SV2C: variants seen among roughly 807,000 people sequenced by gnomAD.
The protein encoded by SV2C is synaptic vesicle glycoprotein 2C.
A neutral mutation model predicts 79.7 loss-of-function variants in SV2C; 49 were observed. The observed-to-expected ratio is 0.61, with a 90% CI of 0.49 to 0.78. SV2C has a LOEUF of 0.78. SV2C is among the 30% of genes least tolerant of loss of function. The pLI, the probability that SV2C is intolerant of heterozygous loss-of-function variation, is 0.00. For missense variants in SV2C, 833 were observed against 912.9 expected, an observed-to-expected ratio of 0.91 and a Z score of 1.13; for synonymous variants, 334 against 333.2, an observed-to-expected ratio of 1.00 and a Z score of -0.03.
the SV2C span, among the ~76,000 whole-genome samples, chr5:75,933,332 C>T: frequency 6.6e-6 from 1 of 152,184 alleles, no homozygotes; most frequent in African/African-American, 2.4e-5. Flanking sequence ...TTGTCTTCCT[C>T]TACTGGACAG....
intron 12 of SV2C, among the ~76,000 whole-genome samples, chr5:76,339,918 G>T (rs992991457): frequency 2.6e-5 from 4 of 152,014 alleles, no homozygotes; most frequent in African/African-American, 9.7e-5. Context: ...GGAGGTTAAG[G>T]CATTCTAAGT....
chr5:75,872,581 A>G, the SV2C span, among the ~76,000 whole-genome samples: 16 of 152,212 alleles, frequency 1.1e-4, no homozygotes, highest in Admixed American at 1.0e-3. Flanking sequence ...ATAGAAGAAT[A>G]TCATATTTTA....
At chr5:75,927,022 G>T in the SV2C span, among the ~76,000 whole-genome samples, 19 of 152,078 alleles carry the variant, frequency 1.2e-4, no homozygotes, top group Non-Finnish European at 2.1e-4. Context: ...CCTGAATTTT[G>T]AATATGAAAA....
intron 1 of SV2C, among the ~76,000 whole-genome samples, chr5:76,115,012 G>A (rs940194573): frequency 6.6e-6 from 1 of 152,126 alleles, no homozygotes; most frequent in Non-Finnish European, 1.5e-5. Flanking sequence ...ATGTCACAAA[G>A]CTAGTAAGTG....
At chr5:76,169,662 T>G (rs1438273207) in intron 2 of SV2C, among the ~76,000 whole-genome samples, 1 of 152,238 alleles carries the variant, frequency 6.6e-6, no homozygotes, top group Non-Finnish European at 1.5e-5. Context: ...TGCCCTTAAC[T>G]GGTTCCATCA....
At chr5:75,896,900 CT>C in the SV2C span, among the ~76,000 whole-genome samples, 2 of 146,850 alleles carry the variant, frequency 1.4e-5, no homozygotes, top group Non-Finnish European at 2.9e-5. Flanking sequence ...CCTTTGCCCA[CT>C]TTTTGATGGG....
chr5:76,119,725 A>C (rs990552472), intron 1 of SV2C, among the ~76,000 whole-genome samples: 5 of 152,140 alleles, frequency 3.3e-5, no homozygotes, highest in Admixed American at 1.3e-4. Context: ...CAAAAAACAA[A>C]AAACAAAACA....
intron 3 of SV2C, among the ~76,000 whole-genome samples, chr5:76,206,471 T>A (rs1475193945): frequency 2.0e-5 from 3 of 152,178 alleles, no homozygotes; most frequent in African/African-American, 7.2e-5. Context: ...AGGAACCCTT[T>A]GGGGGCTCCA....
At chr5:76,238,402 T>C (rs1015592848) in intron 4 of SV2C, among the ~76,000 whole-genome samples, 1 of 152,122 alleles carries the variant, frequency 6.6e-6, no homozygotes, top group Non-Finnish European at 1.5e-5. Context: ...CTCTAAGGGA[T>C]TGACTATGAG....
chr5:76,340,781 A>G (rs899577895), intron 12 of SV2C, among the ~76,000 whole-genome samples: 1 of 152,124 alleles, frequency 6.6e-6, no homozygotes, highest in African/African-American at 2.4e-5. Context: ...AAAATTTTTT[A>G]TTATTTTTCA....
intron 6 of SV2C, among the ~76,000 whole-genome samples, chr5:76,290,139 G>C (rs1236590103): frequency 6.6e-6 from 1 of 152,102 alleles, no homozygotes; most frequent in African/African-American, 2.4e-5. Flanking sequence ...ATTCCTACAT[G>C]GATTATTTTG....
rs190046513 is a variant in SV2C, at chr5:76,218,327, T to G, written c.913+8440T>G. ...ACATGTATGTTTATTGCAGCACTAT[T>G]TATAATAGCAAAGACTTGGAACACA... On this transcript the variant is annotated intron_variant, in intron 4 of 12. Transcript: ENST00000502798. Among the ~76,000 whole-genome samples, 128 of 152,292 alleles carry G rather than the reference T, an allele frequency of 8.4e-4. 1 individual carries two copies. The highest frequency in any genetic ancestry group is 3.1e-3 in the African/African-American group (128 of 41,560).
chr5:76,061,621 G>A, the SV2C span, among the ~76,000 whole-genome samples: 1 of 152,032 alleles, frequency 6.6e-6, no homozygotes, highest in African/African-American at 2.4e-5. Flanking sequence ...ATATCTAAGT[G>A]TGTTGTATCT....
chr5:76,131,798 G>A lies in SV2C; in HGVS notation c.48G>A (p.Lys16=), dbSNP rs756698318. The A allele has an allele frequency of 1.9e-6, 3 of 1,613,968 alleles. No individual in the cohort carries two copies. In the Admixed American group the frequency reaches 5.0e-5, roughly 27 times the overall value. Residue 16 remains lysine (K), a synonymous_variant, in exon 2 of 13, where the codon AAG becomes AAA. Transcript: ENST00000502798. ...KDRTSLMKGA[K]DIAREVKKQT... ...GGACTTCACTGATGAAGGGTGCCAA[G>A]GACATTGCCAGAGAGGTGAAGAAAC...
chr5:75,892,306 T>C, the SV2C span, among the ~76,000 whole-genome samples: 3 of 152,092 alleles, frequency 2.0e-5, no homozygotes, highest in African/African-American at 7.2e-5. Flanking sequence ...ATTTTTTACA[T>C]GTATACGATG....
At chr5:75,906,278 C>T in the SV2C span, among the ~76,000 whole-genome samples, 1 of 152,132 alleles carries the variant, frequency 6.6e-6, no homozygotes, top group Non-Finnish European at 1.5e-5. Context: ...TTAAGCCACT[C>T]GATTGGTGAT....
chr5:76,260,775 G>A (rs1318387705), intron 4 of SV2C, among the ~76,000 whole-genome samples: 1 of 152,122 alleles, frequency 6.6e-6, no homozygotes. Flanking sequence ...TTATTTCTGA[G>A]GCCTCTGTCC....
rs1027020547 is a variant in SV2C at position 76,332,861 on chromosome 5, A to G, written c.*7314A>G. On this transcript the variant is annotated 3_prime_UTR_variant, in exon 13 of 13. Coordinates refer to ENST00000502798, the MANE Select transcript of SV2C (RefSeq NM_014979.4). ...CACAGGCCACATCACATTGAGTATCATGGATTTATGGGTCAGCATTGCCCC... is the reference window on the plus strand; with the variant it reads ...CACAGGCCACATCACATTGAGTATCGTGGATTTATGGGTCAGCATTGCCCC... 3 of 152,232 alleles carry G rather than the reference A, an allele frequency of 2.0e-5. No homozygotes were observed. The highest frequency in any genetic ancestry group is 1.9e-4 in the East Asian group (1 of 5,200). 9.4% of individuals were successfully genotyped at this position (152,232 alleles called of 1,614,324 possible).
chr5:75,978,312 T>C, the SV2C span, among the ~76,000 whole-genome samples: 1 of 152,192 alleles, frequency 6.6e-6, no homozygotes, highest in Non-Finnish European at 1.5e-5. Flanking sequence ...TGGATATTCC[T>C]CTCCTTCTTA....
Sources: gnomAD v4.1 joint callset for allele counts (sites outside exome capture counted in the v4.1 genomes callset) on GRCh38, gnomAD v4.1.1 for gene constraint, MANE v1.5 for transcripts, NCBI Gene and HGNC (gene_info 2026-07-23, HGNC 2026-07-21) for gene names.